Variants in ROCK1 observed in about 807,000 individuals in gnomAD.
ROCK1 encodes rho-associated protein kinase 1.
Under a neutral mutation model 196.8 loss-of-function variants are expected in ROCK1, and 36 were observed. The observed-to-expected ratio is 0.18, with a 90% CI of 0.14 to 0.24. ROCK1 has a LOEUF of 0.24. Ranked by LOEUF, ROCK1 falls within the 10% of genes least tolerant of loss-of-function variation. ROCK1 has a pLI of 1.00. For synonymous variants in ROCK1, 443 were observed against 515.9 expected (o/e 0.86, Z 1.91); for missense variants, 920 against 1,562.0 (o/e 0.59, Z 6.93).
chr18:20,950,327 C>G lies in ROCK1; in HGVS notation c.*1057G>C, dbSNP rs193278044. 1.7e-4 allele frequency: 26 copies of G among 152,658 alleles called. No homozygotes were observed. The East Asian group carries it at 4.4e-3, about 26-fold the overall frequency. The allele number at this position is 152,658 out of a possible 1,614,324, so 9.5% of individuals were successfully genotyped here. ...CAATTTATGAAAGTCCAACAAACCT[C>G]TAAATATTTTAAATTAAACCAATTA... is the stretch of plus-strand genomic sequence containing the variant. On this transcript the variant is annotated 3_prime_UTR_variant, in exon 33 of 33. Transcript: ENST00000399799.
intron 1 of ROCK1, among the ~76,000 whole-genome samples, chr18:21,083,876 T>C (rs1222770515): frequency 6.6e-6 from 1 of 152,172 alleles, no homozygotes; most frequent in Non-Finnish European, 1.5e-5. Flanking sequence ...TTCAAATGTA[T>C]GGAGAGAGGG....
chr18:21,042,901 A>G (rs979206857), intron 6 of ROCK1, among the ~76,000 whole-genome samples, 192 bp from the exon 7 acceptor site: 1 of 152,142 alleles, frequency 6.6e-6, no homozygotes, highest in African/African-American at 2.4e-5. Flanking sequence ...TACACACCAT[A>G]TACATATATA....
At chr18:20,967,225 A>C in intron 26 of ROCK1, 149 bp from the exon 27 acceptor site, 1 of 558,540 alleles carries the variant, frequency 1.8e-6, no homozygotes, top group Non-Finnish European at 3.1e-6. Context: ...TACACTACAG[A>C]AATGTCAAGT....
intron 16 of ROCK1, among the ~76,000 whole-genome samples, chr18:21,000,837 GA>G (rs989814210): frequency 2.6e-5 from 4 of 152,130 alleles, no homozygotes; most frequent in Non-Finnish European, 4.4e-5. Flanking sequence ...AGCCATTGCA[GA>G]AAACAGTTTG....
At chr18:21,107,665 G>A (rs2036714237) in intron 1 of ROCK1, among the ~76,000 whole-genome samples, 1 of 152,272 alleles carries the variant, frequency 6.6e-6, no homozygotes, top group South Asian at 2.1e-4. Context: ...ATGAATGAAC[G>A]AACGAATGCT....
rs1269127306 is a variant in ROCK1 at position 20,957,404 on chromosome 18, A to G, written c.3513-2159T>C. Among the ~76,000 whole-genome samples the G allele has an allele frequency of 2.6e-5, 4 of 152,284 alleles. No homozygotes were observed. The East Asian group carries it at 7.7e-4, about 29-fold the overall frequency. Reference sequence around the variant, plus strand: ...TACATTACTGTTTAATTCCATTTATATAAAGTTCTAGAACAGGCAAAACTA... The same window carrying G: ...TACATTACTGTTTAATTCCATTTATGTAAAGTTCTAGAACAGGCAAAACTA... On this transcript the variant is annotated intron_variant, in intron 29 of 32. Transcript: ENST00000399799.
At chr18:21,005,344 G>A (rs1306157647) in intron 16 of ROCK1, among the ~76,000 whole-genome samples, 2 of 152,154 alleles carry the variant, frequency 1.3e-5, no homozygotes, top group Non-Finnish European at 2.9e-5. Flanking sequence ...TTCTGCAACT[G>A]ACTTTCTATT....
In ROCK1 at chr18:20,960,190, A is replaced by G. The variant is rs141374321; in HGVS notation, c.3369T>C (p.Gly1123=). The change falls in exon 28 of 33, where the codon GGT becomes GGC. Residue 1123 remains glycine (G), a synonymous_variant. Coordinates refer to ENST00000399799, the MANE Select transcript of ROCK1 (RefSeq NM_005406.3). ...DGNLPESRIE[G]WLSVPNRGNI... ...TTCCTCTATTTGGTACTGAAAGCCA[A>G]CCTTCAATTCTTGACTCTAGGAGAA... The G allele has an allele frequency of 3.6e-5, 57 of 1,595,076 alleles. No individual in the cohort carries two copies. The African/African-American group carries it at 7.4e-4, about 21-fold the overall frequency.
intron 18 of ROCK1, among the ~76,000 whole-genome samples, chr18:20,989,077 T>C (rs113240709): frequency 8.5e-5 from 13 of 152,128 alleles, no homozygotes; most frequent in Non-Finnish European, 1.8e-4. Flanking sequence ...CTGCAAACAA[T>C]GAAAAGCCAC....
chr18:21,072,967 G>A (rs765523851), intron 1 of ROCK1, among the ~76,000 whole-genome samples: 2 of 145,660 alleles, frequency 1.4e-5, no homozygotes, highest in African/African-American at 2.5e-5. Context: ...CCAGCTACTC[G>A]GGAGGTTGAG....
Position 21,057,639 on chromosome 18 carries a change from T to C in ROCK1, c.176-7759A>G, listed in dbSNP as rs189474153. On this transcript the variant is annotated intron_variant, in intron 2 of 32. Transcript: ENST00000399799. ...GAGTTCAAGACCAGCCTGGCCAACA[T>C]GGCAAAACCCCGTCTCTACTAAAAA... Among the ~76,000 whole-genome samples the C allele has an allele frequency of 1.4e-4, 22 of 152,160 alleles. No individual in the cohort carries two copies. In the East Asian group the frequency reaches 4.3e-3, roughly 29 times the overall value.
In ROCK1 at chr18:20,960,155, C is replaced by T. The variant is rs1184890899; in HGVS notation, c.3404G>A (p.Arg1135Gln). Residue 1135 changes from arginine (R) to glutamine (Q), a missense_variant, in exon 28 of 33, where the codon CGA becomes CAA. Physicochemically the swap from Arg to Gln is conservative, Grantham distance 43. Coordinates refer to ENST00000399799, the MANE Select transcript of ROCK1 (RefSeq NM_005406.3). ...TGGTACCTGTTTCTTCCAGCCATAT[C>T]GTTTGATATTTCCTCTATTTGGTAC... ...LSVPNRGNIKRYGWKKQYVVV... is the reference protein window; with the variant it reads ...LSVPNRGNIKQYGWKKQYVVV... 1.3e-6 allele frequency: 2 copies of T among 1,598,784 alleles called. No homozygotes were observed. Among genetic ancestry groups the T allele is most frequent in the African/African-American group, 1.3e-5 (1 of 74,734 alleles).
chr18:21,001,723 C>CCA (rs1568380307), intron 16 of ROCK1, among the ~76,000 whole-genome samples: 1 of 151,700 alleles, frequency 6.6e-6, no homozygotes, highest in African/African-American at 2.4e-5. Flanking sequence ...CGAGATCATG[C>CCA]CACTGCACTG....
At position 20,950,326 on chromosome 18, in the gene ROCK1, T is replaced by C. The variant is rs1359850881; in HGVS notation, c.*1058A>G. 1.3e-5 allele frequency: 2 copies of C among 152,580 alleles called. No homozygotes were observed. Among genetic ancestry groups the C allele is most frequent in the East Asian group, 3.8e-4 (2 of 5,204 alleles). 9.5% of individuals were successfully genotyped at this position (152,580 alleles called of 1,614,324 possible). A position where few individuals can be genotyped will look rare whatever the true frequency, so the allele number is the denominator to read the frequency against. On this transcript the variant is annotated 3_prime_UTR_variant, in exon 33 of 33. Coordinates refer to ENST00000399799, the MANE Select transcript of ROCK1 (RefSeq NM_005406.3). Reference sequence around the variant, plus strand: ...TCAATTTATGAAAGTCCAACAAACCTCTAAATATTTTAAATTAAACCAATT... The same window carrying C: ...TCAATTTATGAAAGTCCAACAAACCCCTAAATATTTTAAATTAAACCAATT...
In ROCK1 at chr18:21,092,580, T is replaced by TAAAA. The variant is rs35799573; in HGVS notation, c.93+18234_93+18237dup. Among the ~76,000 whole-genome samples the TAAAA allele has an allele frequency of 2.8e-3, 228 of 81,018 alleles. 2 individuals are homozygous for TAAAA. Among genetic ancestry groups the TAAAA allele is most frequent in the African/African-American group, 0.011 (204 of 19,236 alleles). 53.2% of individuals were successfully genotyped at this position (81,018 alleles called of 152,430 possible). A position where few individuals can be genotyped will look rare whatever the true frequency, so the allele number is the denominator to read the frequency against. ...GCCTGGGTAAGCAAGACCTCATCTT[T>TAAAA]AAAAAAAAAAAAAAAAAAAAAAAAC... On this transcript the variant is annotated intron_variant, in intron 1 of 32. Transcript: ENST00000399799.
chr18:20,980,915 CAA>C (rs570087798), intron 21 of ROCK1, among the ~76,000 whole-genome samples: 178 of 55,738 alleles, frequency 3.2e-3, no homozygotes, highest in Non-Finnish European at 5.2e-3. Flanking sequence ...GATTCCATCT[CAA>C]AAAAAAAAAA....
intron 17 of ROCK1, among the ~76,000 whole-genome samples, chr18:20,992,418 C>T (rs2035634297): frequency 6.6e-6 from 1 of 152,190 alleles, no homozygotes; most frequent in African/African-American, 2.4e-5. Flanking sequence ...TCACTTTATG[C>T]TCTTTTCTAT....
At chr18:21,035,306 A>G (rs1439023469) in intron 9 of ROCK1, among the ~76,000 whole-genome samples, 1 of 152,200 alleles carries the variant, frequency 6.6e-6, no homozygotes, top group African/African-American at 2.4e-5. Context: ...ACTTTGGTGC[A>G]CTGCTGCTGG....
intron 16 of ROCK1, among the ~76,000 whole-genome samples, chr18:20,994,578 T>C (rs921044541): frequency 6.6e-6 from 1 of 152,158 alleles, no homozygotes; most frequent in African/African-American, 2.4e-5. Flanking sequence ...AAATCTGTTT[T>C]AAAAATCATT....
Sources: allele counts gnomAD v4.1 joint callset (sites outside exome capture counted in the v4.1 genomes callset), GRCh38; gene constraint gnomAD v4.1.1; transcripts MANE v1.5; gene names NCBI Gene and HGNC (gene_info 2026-07-23, HGNC 2026-07-21).